The following SLC3A2 variants were observed in gnomAD, a reference collection of about 807,000 sequenced individuals.
SLC3A2 encodes the protein solute carrier family 3 member 2.
Under a neutral mutation model 48.5 loss-of-function variants are expected in SLC3A2, and 32 were observed. The ratio of observed to expected loss-of-function variants is 0.66; its 90% CI spans 0.50 to 0.89. The LOEUF is 0.89. Among genes scored for constraint, SLC3A2 ranks in the 40% least tolerant of loss-of-function variants. SLC3A2 has a pLI of 0.00. For missense variants in SLC3A2, 587 were observed against 680.7 expected, an observed-to-expected ratio of 0.86 and a Z score of 1.53; for synonymous variants, 277 against 288.8, an observed-to-expected ratio of 0.96 and a Z score of 0.41.
upstream of SLC3A2, among the ~76,000 whole-genome samples, chr11:62,878,750 T>G (rs1445711674): frequency 6.7e-6 from 1 of 150,036 alleles, no homozygotes; most frequent in South Asian, 2.1e-4. Context: ...GTGCTGGTAT[T>G]ACAGGTGTGA....
intron 3 of SLC3A2, chr11:62,883,538 C>A: frequency 5.5e-6 from 1 of 181,590 alleles, no homozygotes; most frequent in Admixed American, 5.4e-5. Flanking sequence ...TCACCTAGCT[C>A]CTGATGTCTG....
At chr11:62,873,394 C>T (rs543085313) in intron 1 of SLC3A2, among the ~76,000 whole-genome samples, 34 of 151,552 alleles carry the variant, frequency 2.2e-4, no homozygotes, top group African/African-American at 8.2e-4. Flanking sequence ...GAGGCTGAGG[C>T]AGGAGAATCA....
Position 62,881,618 on chromosome 11 carries a change from T to A in SLC3A2, c.424+171T>A. 2 of 1,043,818 alleles carry A rather than the reference T, an allele frequency of 1.9e-6. No individual in the cohort carries two copies. Among genetic ancestry groups the A allele is most frequent in the Non-Finnish European group, 2.7e-6 (2 of 747,970 alleles). The allele number at this position is 1,043,818 out of a possible 1,614,324, so 64.7% of individuals were successfully genotyped here. A position where few individuals can be genotyped will look rare whatever the true frequency, so the allele number is the denominator to read the frequency against. On this transcript the variant is annotated intron_variant, in intron 1 of 8. Coordinates refer to ENST00000338663, the MANE Select transcript of SLC3A2 (RefSeq NM_001013251.3). The surrounding 1 kb of genome is among the most constrained non-coding windows in gnomAD (Gnocchi z 4.0). ...CGGCACATTGTCCTTCCCTCCTTTCTTTGAAGAAAGCCGACCCGCCCCTCA... is the reference window on the plus strand; with the variant it reads ...CGGCACATTGTCCTTCCCTCCTTTCATTGAAGAAAGCCGACCCGCCCCTCA...
At position 62,867,045 on chromosome 11, in the gene SLC3A2, C is replaced by T. The variant is rs1357632583; in HGVS notation, c.112+10664C>T. The stretch of plus-strand genomic sequence containing the variant: ...GTTTCTTGTTGTGCAGGCTGGAGTG[C>T]GATGGACTGATCTCGGCTCGCCGCA... On this transcript the variant is annotated intron_variant, in intron 1 of 9. Transcript: ENST00000377889. 6.6e-5 allele frequency among the ~76,000 whole-genome samples: 10 copies of T among 152,040 alleles called. 1 individual carries two copies. The highest frequency in any genetic ancestry group is 1.2e-4 in the African/African-American group (5 of 41,484).
At chr11:62,866,236 G>A (rs1175128557) in intron 1 of SLC3A2, among the ~76,000 whole-genome samples, 1 of 151,652 alleles carries the variant, frequency 6.6e-6, no homozygotes, top group African/African-American at 2.4e-5. Flanking sequence ...TTCTGCCTCG[G>A]CCTCCCAAGT....
Position 62,888,350 on chromosome 11 carries a change from G to T in SLC3A2, c.1247G>T (p.Gly416Val), listed in dbSNP as rs116488305. Residue 416 changes from glycine to valine, a missense_variant, in exon 9 of 9, where the codon GGC becomes GTC. Gly to Val is a moderately radical substitution (Grantham distance 109). Transcript: ENST00000338663. ...MTVKGQSEDPGSLLSLFRRLS... is the reference protein window; with the variant it reads ...MTVKGQSEDPVSLLSLFRRLS... ...TCTTAGGGCCAGAGTGAAGACCCTG[G>T]CTCCCTCCTTTCCTTGTTCCGGCGG... 7.4e-6 allele frequency: 12 copies of T among 1,613,926 alleles called. No individual in the cohort carries two copies. Among genetic ancestry groups the T allele is most frequent in the Non-Finnish European group, 1.0e-5 (12 of 1,179,984 alleles).
intron 1 of SLC3A2, among the ~76,000 whole-genome samples, chr11:62,867,869 A>G (rs2085470057): frequency 6.6e-6 from 1 of 152,006 alleles, no homozygotes; most frequent in Non-Finnish European, 1.5e-5. Context: ...CTAGTATTCT[A>G]GTTAGAAATT....
intron 1 of SLC3A2, among the ~76,000 whole-genome samples, chr11:62,873,255 A>G (rs147861683): frequency 0.09 from 13,699 of 151,934 alleles, 799 homozygotes; most frequent in African/African-American, 0.16. Context: ...TTGGGAGGCC[A>G]AGTCGGGCAG....
chr11:62,877,938 C>T (rs886291066), upstream of SLC3A2, among the ~76,000 whole-genome samples: 1 of 152,110 alleles, frequency 6.6e-6, no homozygotes, highest in Non-Finnish European at 1.5e-5. Context: ...GGGCAGATCA[C>T]CTGAAGTTAG....
chr11:62,873,783 G>GT (rs1015353223), intron 1 of SLC3A2, among the ~76,000 whole-genome samples: 20 of 151,792 alleles, frequency 1.3e-4, no homozygotes, highest in African/African-American at 4.4e-4. Flanking sequence ...TCAGTTATTT[G>GT]TTTTTTTGTT....
At chr11:62,866,764 T>C (rs2085457025) in intron 1 of SLC3A2, among the ~76,000 whole-genome samples, 1 of 152,172 alleles carries the variant, frequency 6.6e-6, no homozygotes. Flanking sequence ...GTTCTGTACT[T>C]GAGGATACTT....
intron 1 of SLC3A2, among the ~76,000 whole-genome samples, chr11:62,875,350 TC>T (rs893730798): frequency 5.1e-4 from 77 of 152,112 alleles, no homozygotes; most frequent in African/African-American, 1.8e-3. Flanking sequence ...ATCAAGACCA[TC>T]CTGGCTAACA....
upstream of SLC3A2, among the ~76,000 whole-genome samples, chr11:62,879,913 A>C (rs901460614): frequency 2.6e-5 from 4 of 152,224 alleles, no homozygotes; most frequent in Non-Finnish European, 5.9e-5. Flanking sequence ...CTGCAGTACC[A>C]GCTGCCTCCA....
At position 62,881,892 on chromosome 11, in the gene SLC3A2, G is replaced by T; in HGVS notation, c.425-1G>T. 1 of 1,613,834 alleles carries T rather than the reference G, an allele frequency of 6.2e-7. No homozygotes were observed. On this transcript the variant is annotated splice_acceptor_variant, in intron 1 of 8. Coordinates refer to ENST00000338663, the MANE Select transcript of SLC3A2 (RefSeq NM_001013251.3). LOFTEE classifies it high-confidence loss of function. The surrounding 1 kb of genome is among the most constrained non-coding windows in gnomAD (Gnocchi z 4.0). ...ACTTGTTAACCCAGCCCCCATTTCA[G>T]GTCTGAAGGGGCGTCTCGATTACCT...
Position 62,861,910 on chromosome 11 carries a change from CAAAAAAAAAAAA to C in SLC3A2, c.112+5541_112+5552del, listed in dbSNP as rs1189861840. On this transcript the variant is annotated intron_variant, in intron 1 of 9. Transcript: ENST00000377889. ...TGGCCAACAAGAGCAAAACCTCTCT[CAAAAAAAAAAAA>C]AAAAAAAAAAAGTCTGGTCAGGTCC... Among the ~76,000 whole-genome samples, 417 of 59,202 alleles carry C rather than the reference CAAAAAAAAAAAA, an allele frequency of 7.0e-3. 5 individuals are homozygous for C. The highest frequency in any genetic ancestry group is 0.019 in the African/African-American group (359 of 18,470). 38.8% of individuals were successfully genotyped at this position (59,202 alleles called of 152,430 possible).
rs1565255216 is a variant in SLC3A2 at position 62,884,446 on chromosome 11, GC to G, written c.691-6del. The G allele has an allele frequency of 5.0e-6, 8 of 1,614,092 alleles. No individual in the cohort carries two copies. The highest frequency in any genetic ancestry group is 6.8e-6 in the Non-Finnish European group (8 of 1,179,970). On this transcript the variant is annotated splice_polypyrimidine_tract_variant and intron_variant, in intron 3 of 8. Coordinates refer to ENST00000338663, the MANE Select transcript of SLC3A2 (RefSeq NM_001013251.3). The stretch of plus-strand genomic sequence containing the variant: ...ACTGATGTCTGTCCTTTATTCTTCT[GC>G]CCCCTATAGGATGCTCTGGAGTTTT...
Position 62,888,347 on chromosome 11 carries a change from C to T in SLC3A2, c.1244C>T (p.Pro415Leu), listed in dbSNP as rs767022273. Residue 415 changes from proline to leucine, a missense_variant, in exon 9 of 9, where the codon CCT (proline) becomes CTT (leucine). Pro to Leu is a moderately conservative substitution (Grantham distance 98, BLOSUM62 -3). Transcript: ENST00000338663. ...NMTVKGQSED[P>L]GSLLSLFRRL... ...CATTCTTAGGGCCAGAGTGAAGACC[C>T]TGGCTCCCTCCTTTCCTTGTTCCGG... 6.2e-7 allele frequency: 1 copy of T among 1,614,070 alleles called. No homozygotes were observed. The highest frequency in any genetic ancestry group is 8.5e-7 in the Non-Finnish European group (1 of 1,179,944).
chr11:62,882,925 G>T lies in SLC3A2; in HGVS notation c.616G>T (p.Asp206Tyr). The T allele has an allele frequency of 6.2e-7, 1 of 1,614,142 alleles. No homozygotes were observed. The highest frequency in any genetic ancestry group is 8.5e-7 in the Non-Finnish European group (1 of 1,180,030). ...TGTTTTAGGCATCCGTGTCATTCTG[G>T]ACCTTACTCCCAACTACCGGGGTGA... ...AKKKSIRVIL[D>Y]LTPNYRGENS... The change falls in exon 3 of 9, where the codon GAC (aspartate) becomes TAC (tyrosine). Residue 206 changes from aspartate to tyrosine, a missense_variant. This residue lies in a region of SLC3A2 where 409 missense variants were observed against 446.7 expected (regional missense o/e 0.92). Coordinates refer to ENST00000338663, the MANE Select transcript of SLC3A2 (RefSeq NM_001013251.3).
At chr11:62,873,839 G>A (rs908359830) in intron 1 of SLC3A2, among the ~76,000 whole-genome samples, 3 of 150,292 alleles carry the variant, frequency 2.0e-5, no homozygotes, top group Non-Finnish European at 3.0e-5. Context: ...TTCTAGCTCT[G>A]TTGCCCAGGC....
Sources: gnomAD v4.1 joint callset for allele counts (sites outside exome capture counted in the v4.1 genomes callset) on GRCh38, gnomAD v4.1.1 for gene constraint, gnomAD v4.1.1 regional missense constraint, Gnocchi (gnomAD v3.1) non-coding constraint, MANE v1.5 for transcripts, NCBI Gene and HGNC (gene_info 2026-07-23, HGNC 2026-07-21) for gene names.